Variants in RPP30 observed in about 807,000 individuals in gnomAD.
RPP30 encodes ribonuclease P protein subunit p30.
A neutral mutation model predicts 38.6 loss-of-function variants in RPP30; 36 were observed. The ratio of observed to expected loss-of-function variants is 0.93; its 90% CI spans 0.71 to 1.23. The LOEUF (loss-of-function observed/expected upper bound fraction) is 1.23. Ranked by LOEUF, RPP30 falls within the 50% of genes most tolerant of loss-of-function variation. The probability of loss-of-function intolerance (pLI) is 0.00; values close to 1 mark genes in which losing one functional copy is unlikely to be tolerated. For synonymous variants in RPP30, 126 were observed against 112.7 expected, an observed-to-expected ratio of 1.12 and a Z score of -0.75; for missense variants, 321 against 321.7, an observed-to-expected ratio of 1.00 and a Z score of 0.02.
intron 4 of RPP30, among the ~76,000 whole-genome samples, chr10:90,877,422 A>G (rs1308671939): frequency 6.6e-6 from 1 of 152,184 alleles, no homozygotes; most frequent in Non-Finnish European, 1.5e-5. Context: ...CCCTGGCCAA[A>G]GTGCATTGTG....
At chr10:90,894,926 C>G (rs780820893) in intron 7 of RPP30, 35 bp downstream of exon 7, 2 of 1,409,186 alleles carry the variant, frequency 1.4e-6, no homozygotes, top group East Asian at 4.6e-5. Flanking sequence ...TTTTTCGCAT[C>G]TGGCAGTTTA....
chr10:90,895,149 AG>A, intron 7 of RPP30: 1 of 554,696 alleles, frequency 1.8e-6, no homozygotes, highest in Non-Finnish European at 3.2e-6. Context: ...GTGAAAGAAA[AG>A]TCTAGAATAA....
chr10:90,872,666 T>TTTAA (rs1846797214), intron 1 of RPP30, among the ~76,000 whole-genome samples: 1 of 152,118 alleles, frequency 6.6e-6, no homozygotes, highest in Non-Finnish European at 1.5e-5. Flanking sequence ...AGTCATGGGT[T>TTTAA]CTGTATTCCG....
downstream of RPP30, chr10:90,902,366 C>T: frequency 2.6e-6 from 1 of 381,172 alleles, no homozygotes; most frequent in Non-Finnish European, 5.3e-6. Flanking sequence ...CAGAAGCATG[C>T]ACCACCACAT....
chr10:90,884,067 T>G (rs955641793), intron 5 of RPP30, among the ~76,000 whole-genome samples: 1 of 152,204 alleles, frequency 6.6e-6, no homozygotes, highest in African/African-American at 2.4e-5. Flanking sequence ...CTTTAATGAG[T>G]TGGCATATTC....
Position 90,900,553 on chromosome 10 carries a change from C to T in RPP30, c.698-17C>T. 1 of 1,605,164 alleles carries T rather than the reference C, an allele frequency of 6.2e-7. No homozygotes were observed. The highest frequency in any genetic ancestry group is 1.1e-5 in the South Asian group (1 of 88,530). On this transcript the variant is annotated splice_polypyrimidine_tract_variant and intron_variant, in intron 10 of 10. Coordinates refer to ENST00000371703, the MANE Select transcript of RPP30 (RefSeq NM_006413.5). ...GTCTTAACTTCAAGCACAGTGGTTT[C>T]CCTGTTTGTTTTACAGAAACTAGAA...
chr10:90,878,666 A>AT (rs975490286), intron 4 of RPP30, among the ~76,000 whole-genome samples: 3 of 151,850 alleles, frequency 2.0e-5, no homozygotes, highest in African/African-American at 2.4e-5. Context: ...TAATTTTTAA[A>AT]TTTTTTTGCA....
At chr10:90,880,049 G>A (rs1179268034) in intron 5 of RPP30, 1 of 151,652 alleles carries the variant, frequency 6.6e-6, no homozygotes, top group South Asian at 2.1e-4. Flanking sequence ...TTAAAGACTA[G>A]TCAAGTGTCC....
intron 1 of RPP30, among the ~76,000 whole-genome samples, chr10:90,874,285 C>A (rs916782395): frequency 1.3e-5 from 2 of 152,114 alleles, no homozygotes; most frequent in African/African-American, 4.8e-5. Context: ...TCAAGGAGCT[C>A]CCAGTCTGTC....
At chr10:90,904,278 A>AGCG (rs1847230773), downstream of RPP30, among the ~76,000 whole-genome samples, 2 of 152,218 alleles carry the variant, frequency 1.3e-5, no homozygotes, top group South Asian at 4.1e-4. Context: ...GTGATACTGA[A>AGCG]ATAATTGGTT....
rs191743870 is a variant in RPP30 at position 90,881,552 on chromosome 10, G to A, written c.342+2418G>A. 6.6e-4 allele frequency among the ~76,000 whole-genome samples: 101 copies of A among 152,274 alleles called. 1 individual carries two copies. The East Asian group carries it at 0.011, about 17-fold the overall frequency. On this transcript the variant is annotated intron_variant, in intron 5 of 10. Transcript: ENST00000371703. ...TATACTCAAAAAGTTAAATGAGAAC[G>A]CAGTTTTAAAAATGGGAACATCTTC...
intron 8 of RPP30, 61 bp downstream of exon 8, chr10:90,895,544 A>G (rs1847130136): frequency 1.0e-6 from 1 of 970,944 alleles, no homozygotes; most frequent in Admixed American, 3.0e-5. Flanking sequence ...TTCAGTTTCT[A>G]GGGGATAAAT....
chr10:90,878,727 A>G (rs1846885041), intron 4 of RPP30, among the ~76,000 whole-genome samples: 1 of 152,198 alleles, frequency 6.6e-6, no homozygotes, highest in Non-Finnish European at 1.5e-5. Flanking sequence ...TCCTGGGCTC[A>G]GGCAGTCCTC....
chr10:90,882,433 T>C (rs1232866782), intron 5 of RPP30, among the ~76,000 whole-genome samples: 1 of 152,084 alleles, frequency 6.6e-6, no homozygotes, highest in African/African-American at 2.4e-5. Flanking sequence ...CCTAGCACTT[T>C]GGGAGGCCGA....
At chr10:90,903,606 T>G (rs1404441380), downstream of RPP30, among the ~76,000 whole-genome samples, 1 of 152,208 alleles carries the variant, frequency 6.6e-6, no homozygotes, top group Non-Finnish European at 1.5e-5. Flanking sequence ...TTCATGATAG[T>G]AGGGCATGAT....
intron 5 of RPP30, among the ~76,000 whole-genome samples, chr10:90,881,373 G>C (rs1846925469): frequency 6.6e-6 from 1 of 152,110 alleles, no homozygotes. Flanking sequence ...TTTAGACTAT[G>C]TTGTAATTTC....
chr10:90,886,505 C>A (rs968818734), intron 6 of RPP30, among the ~76,000 whole-genome samples: 8 of 152,326 alleles, frequency 5.3e-5, no homozygotes, highest in Admixed American at 4.6e-4. Flanking sequence ...TACCCTTCAT[C>A]TTCTATCTGT....
downstream of RPP30, among the ~76,000 whole-genome samples, chr10:90,908,042 G>T (rs1427909132): frequency 2.0e-5 from 3 of 152,150 alleles, no homozygotes; most frequent in African/African-American, 7.2e-5. Flanking sequence ...ACTGAATACT[G>T]TAGGCAACTA....
At chr10:90,881,525 C>T (rs1381039316) in intron 5 of RPP30, among the ~76,000 whole-genome samples, 1 of 152,202 alleles carries the variant, frequency 6.6e-6, no homozygotes, top group Non-Finnish European at 1.5e-5. Context: ...TGACTTTACA[C>T]ATATACTCAA....
Sources: allele counts gnomAD v4.1 joint callset (sites outside exome capture counted in the v4.1 genomes callset), GRCh38; gene constraint gnomAD v4.1.1; transcripts MANE v1.5; gene names NCBI Gene and HGNC (gene_info 2026-07-23, HGNC 2026-07-21).